The following JMJD1C variants were observed in gnomAD, a reference collection of about 807,000 sequenced individuals.
JMJD1C encodes jumonji domain containing 1C.
JMJD1C carries 31 observed loss-of-function variants against 245.3 expected under a neutral mutation model. The ratio of observed to expected loss-of-function variants is 0.13; its 90% CI spans 0.09 to 0.17. JMJD1C has a LOEUF of 0.17. Among genes scored for constraint, JMJD1C ranks in the 10% least tolerant of loss-of-function variants. JMJD1C has a pLI of 1.00. For missense variants in JMJD1C, 2,691 were observed against 3,000.2 expected (o/e 0.90, Z 2.41); for synonymous variants, 1,057 against 1,017.4 (o/e 1.04, Z -0.74).
rs973035681 is a variant in JMJD1C, at chr10:63,202,351, T to C, written c.5075-1674A>G. ...TATTGCACCCATATTAATGTATCTA[T>C]ATGTCAGATATTAGATTTACATAGT... On this transcript the variant is annotated intron_variant, in intron 10 of 25. Transcript: ENST00000399262. The C allele has an allele frequency of 5.1e-6, 5 of 984,272 alleles. No individual in the cohort carries two copies. In the African/African-American group the frequency reaches 8.7e-5, roughly 17 times the overall value. The allele number at this position is 984,272 out of a possible 1,614,324, so 61.0% of individuals were successfully genotyped here.
At chr10:63,447,902 G>A (rs1027736023) in intron 1 of JMJD1C, among the ~76,000 whole-genome samples, 8 of 151,866 alleles carry the variant, frequency 5.3e-5, no homozygotes, top group African/African-American at 1.7e-4. Flanking sequence ...CCACGCCACT[G>A]CACTCCAGCC....
rs118156619 is a variant in JMJD1C at position 63,244,080 on chromosome 10, C to A, written c.447+20571G>T. 1.8e-4 allele frequency among the ~76,000 whole-genome samples: 28 copies of A among 152,284 alleles called. 1 individual carries two copies. In the East Asian group the frequency reaches 5.2e-3, roughly 28 times the overall value. ...CAGGAACACCCAAAGGGAGAAATAT[C>A]CCTGAGGACAGCCAGAAACAAAGGA... On this transcript the variant is annotated intron_variant, in intron 3 of 25. Coordinates refer to ENST00000399262, the MANE Select transcript of JMJD1C (RefSeq NM_032776.3).
At chr10:63,373,812 T>C (rs1946505401) in intron 2 of JMJD1C, among the ~76,000 whole-genome samples, 1 of 152,184 alleles carries the variant, frequency 6.6e-6, no homozygotes, top group Non-Finnish European at 1.5e-5. Context: ...ATAATTGCTG[T>C]TTATAGACAT....
At chr10:63,460,584 A>T (rs1369049201) in intron 1 of JMJD1C, among the ~76,000 whole-genome samples, 1 of 152,234 alleles carries the variant, frequency 6.6e-6, no homozygotes, top group African/African-American at 2.4e-5. Flanking sequence ...CAAGTAACTT[A>T]TGACATTCCT....
chr10:63,494,048 T>G (rs1157295262), intron 1 of JMJD1C, among the ~76,000 whole-genome samples: 1 of 152,198 alleles, frequency 6.6e-6, no homozygotes, highest in Admixed American at 6.5e-5. Flanking sequence ...TGGTGGCTCA[T>G]GCCTATAATC....
chr10:63,483,829 TTTC>T (rs933704250), intron 1 of JMJD1C, among the ~76,000 whole-genome samples: 9 of 152,336 alleles, frequency 5.9e-5, no homozygotes, highest in African/African-American at 1.9e-4. Context: ...TAATTTGTCC[TTTC>T]TTCATTAGGA....
intron 2 of JMJD1C, among the ~76,000 whole-genome samples, chr10:63,336,727 C>G (rs1222756703): frequency 6.6e-6 from 1 of 152,108 alleles, no homozygotes; most frequent in Non-Finnish European, 1.5e-5. Context: ...ATTAGAAAAC[C>G]CTGACAATCC....
intron 1 of JMJD1C, among the ~76,000 whole-genome samples, chr10:63,389,974 C>T (rs1947925264): frequency 6.6e-6 from 1 of 151,996 alleles, no homozygotes; most frequent in Non-Finnish European, 1.5e-5. Flanking sequence ...AACCATACAT[C>T]CCATGAAAAC....
At chr10:63,454,084 T>C (rs1952245880) in intron 1 of JMJD1C, among the ~76,000 whole-genome samples, 1 of 152,114 alleles carries the variant, frequency 6.6e-6, no homozygotes. Flanking sequence ...ATGTTTTAAT[T>C]TTTAACTTTT....
intron 2 of JMJD1C, among the ~76,000 whole-genome samples, chr10:63,375,054 T>G (rs2393966): frequency 0.43 from 64,807 of 151,992 alleles, 14,440 homozygotes; most frequent in South Asian, 0.53. Context: ...AATACTATGT[T>G]GAGTGGACAT....
intron 2 of JMJD1C, among the ~76,000 whole-genome samples, chr10:63,319,862 C>T (rs750190720): frequency 4.6e-5 from 7 of 152,180 alleles, no homozygotes; most frequent in Non-Finnish European, 1.0e-4. Context: ...CCTCCAGGTT[C>T]AAGCAATTCT....
chr10:63,260,499 T>A (rs1170498146), intron 3 of JMJD1C, among the ~76,000 whole-genome samples: 1 of 152,180 alleles, frequency 6.6e-6, no homozygotes, highest in African/African-American at 2.4e-5. Context: ...TCAAAACTGT[T>A]ATCAAAATTT....
chr10:63,274,074 A>C (rs757033949), intron 2 of JMJD1C, among the ~76,000 whole-genome samples: 2 of 152,226 alleles, frequency 1.3e-5, no homozygotes, highest in Non-Finnish European at 2.9e-5. Context: ...TCAATGATCT[A>C]GCAATATAAA....
chr10:63,505,507 T>C (rs998040479), intron 1 of JMJD1C, among the ~76,000 whole-genome samples: 2 of 152,044 alleles, frequency 1.3e-5, no homozygotes, highest in African/African-American at 4.8e-5. Context: ...GATTGGAAGC[T>C]TCATAGCAGA....
chr10:63,356,249 A>G lies in JMJD1C; in HGVS notation c.333+24069T>C, dbSNP rs12261595. 4.4e-3 allele frequency among the ~76,000 whole-genome samples: 668 copies of G among 152,314 alleles called. 3 individuals carry two copies. Among genetic ancestry groups the G allele is most frequent in the African/African-American group, 0.015 (626 of 41,566 alleles). On this transcript the variant is annotated intron_variant, in intron 2 of 25. Transcript: ENST00000399262. ...AAAGTAGAAGACAAACTTTACCTACAAACACAACGTTATGTCTGAATACTA... is the reference window on the plus strand; with the variant it reads ...AAAGTAGAAGACAAACTTTACCTACGAACACAACGTTATGTCTGAATACTA...
intron 1 of JMJD1C, among the ~76,000 whole-genome samples, chr10:63,445,604 T>C (rs995700465): frequency 2.0e-5 from 3 of 152,226 alleles, no homozygotes; most frequent in African/African-American, 4.8e-5. Context: ...CTTCATCTTT[T>C]ATTCTTAATC....
chr10:63,318,585 T>C (rs945668042), intron 2 of JMJD1C, among the ~76,000 whole-genome samples: 11 of 152,132 alleles, frequency 7.2e-5, no homozygotes, highest in Non-Finnish European at 1.2e-4. Context: ...TCCAAAAATA[T>C]ACGAACTGAT....
At chr10:63,173,347 T>A (rs1355323923) in intron 24 of JMJD1C, among the ~76,000 whole-genome samples, 1 of 152,156 alleles carries the variant, frequency 6.6e-6, no homozygotes, top group Admixed American at 6.5e-5. Context: ...ATCTGAGTGA[T>A]CTTGGGCTAG....
chr10:63,186,615 C>G (rs1844161267), intron 18 of JMJD1C, among the ~76,000 whole-genome samples: 1 of 152,092 alleles, frequency 6.6e-6, no homozygotes, highest in Non-Finnish European at 1.5e-5. Context: ...AAGTGAATGT[C>G]TCCTTTGAAA....
Sources: gnomAD v4.1 joint callset for allele counts (sites outside exome capture counted in the v4.1 genomes callset) on GRCh38, gnomAD v4.1.1 for gene constraint, MANE v1.5 for transcripts, NCBI Gene and HGNC (gene_info 2026-07-23, HGNC 2026-07-21) for gene names.